GPC6: variants seen among roughly 807,000 people sequenced by gnomAD.
GPC6 encodes the protein glypican 6.
Under a neutral mutation model 55.2 loss-of-function variants are expected in GPC6, and 14 were observed. The observed-to-expected ratio is 0.25, with a 90% CI of 0.17 to 0.40. The LOEUF is 0.40. GPC6 is among the 10% of genes least tolerant of loss of function. The pLI is 1.00. For synonymous variants in GPC6, 278 were observed against 259.6 expected, an observed-to-expected ratio of 1.07 and a Z score of -0.68; for missense variants, 641 against 708.5, an observed-to-expected ratio of 0.90 and a Z score of 1.08.
At chr13:93,453,332 T>C (rs1878298740) in intron 1 of GPC6, among the ~76,000 whole-genome samples, 1 of 152,088 alleles carries the variant, frequency 6.6e-6, no homozygotes, top group African/African-American at 2.4e-5. Context: ...CTTCCCAGTT[T>C]ATGGTGTGAA....
chr13:93,747,739 A>G (rs1175251892), intron 2 of GPC6, among the ~76,000 whole-genome samples: 1 of 152,234 alleles, frequency 6.6e-6, no homozygotes, highest in East Asian at 1.9e-4. Context: ...TGCTCTAGGT[A>G]GGCTAGGCTA....
intron 1 of GPC6, among the ~76,000 whole-genome samples, chr13:93,340,892 T>A (rs923368963): frequency 3.3e-5 from 5 of 152,126 alleles, no homozygotes; most frequent in African/African-American, 1.2e-4. Context: ...ACCACCGGAG[T>A]ACTATATACT....
intron 2 of GPC6, among the ~76,000 whole-genome samples, chr13:93,572,484 C>A (rs977134938): frequency 1.3e-5 from 2 of 152,112 alleles, no homozygotes; most frequent in Non-Finnish European, 2.9e-5. Context: ...CATCCCAGAT[C>A]TGCTAAACAG....
chr13:93,393,324 G>C (rs1184675988), intron 1 of GPC6, among the ~76,000 whole-genome samples: 1 of 151,696 alleles, frequency 6.6e-6, no homozygotes, highest in Non-Finnish European at 1.5e-5. Flanking sequence ...ATTTTTAGTA[G>C]AGATGGAATT....
chr13:93,231,409 A>ATATATATATATACGTATATATATATATG (rs1876050054), intron 1 of GPC6, among the ~76,000 whole-genome samples: 2 of 36,828 alleles, frequency 5.4e-5, no homozygotes, highest in African/African-American at 2.5e-4. Context: ...ATATATATAT[A>ATATATATATATACGTATATATATATATG]TATATATATA....
intron 1 of GPC6, among the ~76,000 whole-genome samples, chr13:93,414,695 C>A (rs1876632396): frequency 1.3e-5 from 2 of 152,050 alleles, no homozygotes; most frequent in Non-Finnish European, 1.5e-5. Context: ...TTTGGATAGG[C>A]GATTACTGTA....
At chr13:94,246,628 T>C (rs1485659518) in intron 4 of GPC6, among the ~76,000 whole-genome samples, 1 of 152,124 alleles carries the variant, frequency 6.6e-6, no homozygotes, top group Non-Finnish European at 1.5e-5. Context: ...ACTTTCTCCA[T>C]TGTGTCTTCT....
rs181605772 is a variant in GPC6, at chr13:93,437,031, G to A, written c.161-108232G>A. Among the ~76,000 whole-genome samples, 5 of 151,482 alleles carry A rather than the reference G, an allele frequency of 3.3e-5. No homozygotes were observed. The East Asian group carries it at 5.9e-4, about 18-fold the overall frequency. ...GGAATATTTCCAATATTTTAAGTTC[G>A]TTATCAGTATCTGTTTTGGTGATCT... On this transcript the variant is annotated intron_variant, in intron 1 of 8. Transcript: ENST00000377047.
intron 6 of GPC6, among the ~76,000 whole-genome samples, chr13:94,337,215 T>C (rs1444753448): frequency 6.6e-6 from 1 of 152,180 alleles, no homozygotes; most frequent in Non-Finnish European, 1.5e-5. Context: ...TGGGTTCACA[T>C]GGGGGCTTTG....
chr13:93,666,682 T>G (rs1379136947), intron 2 of GPC6, among the ~76,000 whole-genome samples: 1 of 152,220 alleles, frequency 6.6e-6, no homozygotes, highest in Non-Finnish European at 1.5e-5. Flanking sequence ...GTGTCTTTAT[T>G]TTCATTTAAA....
intron 1 of GPC6, among the ~76,000 whole-genome samples, chr13:93,452,556 A>C (rs1878270546): frequency 6.6e-6 from 1 of 152,234 alleles, no homozygotes; most frequent in Non-Finnish European, 1.5e-5. Context: ...CCTTTTTACC[A>C]TGAAATAGTA....
At chr13:94,333,732 G>A (rs1443171095) in intron 6 of GPC6, among the ~76,000 whole-genome samples, 1 of 152,198 alleles carries the variant, frequency 6.6e-6, no homozygotes, top group Non-Finnish European at 1.5e-5. Context: ...GCACAACTAA[G>A]TAGCAGAGGT....
intron 4 of GPC6, among the ~76,000 whole-genome samples, chr13:94,139,917 T>C (rs1253193740): frequency 6.6e-6 from 1 of 152,182 alleles, no homozygotes; most frequent in African/African-American, 2.4e-5. Context: ...TAAGAGCTAC[T>C]GATTTTTTCT....
intron 4 of GPC6, among the ~76,000 whole-genome samples, chr13:94,175,310 T>C (rs1443667776): frequency 6.6e-6 from 1 of 152,162 alleles, no homozygotes; most frequent in Non-Finnish European, 1.5e-5. Context: ...TGTAGCACAA[T>C]AGCAGCCATC....
chr13:93,743,829 G>C (rs1884292954), intron 2 of GPC6, among the ~76,000 whole-genome samples: 1 of 151,850 alleles, frequency 6.6e-6, no homozygotes, highest in African/African-American at 2.4e-5. Flanking sequence ...TGCTTTCATT[G>C]GTATTGTGTG....
In GPC6 at chr13:94,086,115, G is replaced by A. The variant is rs188544445; in HGVS notation, c.877+58221G>A. Among the ~76,000 whole-genome samples the A allele has an allele frequency of 8.3e-4, 125 of 151,292 alleles. 1 individual carries two copies. The highest frequency in any genetic ancestry group is 5.8e-4 in the African/African-American group (24 of 41,172). ...TTCAAATAGAACTTTCTCTGCTTCC[G>A]TGAATTTTTAAAATTGGTTTATACA... On this transcript the variant is annotated intron_variant, in intron 4 of 8. Coordinates refer to ENST00000377047, the MANE Select transcript of GPC6 (RefSeq NM_005708.5).
chr13:94,092,348 T>C (rs1309497807), intron 4 of GPC6, among the ~76,000 whole-genome samples: 2 of 152,086 alleles, frequency 1.3e-5, no homozygotes, highest in African/African-American at 2.4e-5. Flanking sequence ...TTCTATGAGT[T>C]TGACTTTTTA....
intron 4 of GPC6, among the ~76,000 whole-genome samples, chr13:94,233,246 G>T (rs1007412982): frequency 4.6e-5 from 7 of 151,842 alleles, no homozygotes; most frequent in African/African-American, 1.5e-4. Context: ...GTAAAGCCCA[G>T]CTCTAATGTA....
intron 1 of GPC6, among the ~76,000 whole-genome samples, chr13:93,297,475 AAAG>A (rs1283635506): frequency 6.6e-6 from 1 of 152,126 alleles, no homozygotes; most frequent in African/African-American, 2.4e-5. Flanking sequence ...CAAAATAAAA[AAAG>A]AAATTAGCTG....
Sources: gnomAD v4.1 joint callset for allele counts (sites outside exome capture counted in the v4.1 genomes callset) on GRCh38, gnomAD v4.1.1 for gene constraint, MANE v1.5 for transcripts, NCBI Gene and HGNC (gene_info 2026-07-23, HGNC 2026-07-21) for gene names.